Variants in ADAM8 observed in about 807,000 individuals in gnomAD.
ADAM8 encodes disintegrin and metalloproteinase domain-containing protein 8.
Under a neutral mutation model 102.4 loss-of-function variants are expected in ADAM8, and 104 were observed. That is an observed-to-expected ratio of 1.02 (90% CI 0.87 to 1.20). The LOEUF (loss-of-function observed/expected upper bound fraction) is 1.20, where lower values mean the gene tolerates loss of function less well. ADAM8 is among the 50% of genes most tolerant of loss of function. The probability of loss-of-function intolerance (pLI) is 0.00; values close to 1 mark genes in which losing one functional copy is unlikely to be tolerated. For synonymous variants in ADAM8, 517 were observed against 485.2 expected (o/e 1.07, Z -0.86); for missense variants, 1,132 against 1,159.0 (o/e 0.98, Z 0.34).
intron 21 of ADAM8, among the ~76,000 whole-genome samples, chr10:133,265,607 C>G (rs995420941): frequency 2.0e-5 from 3 of 151,956 alleles, no homozygotes; most frequent in African/African-American, 7.3e-5. Flanking sequence ...TTGGCTAACA[C>G]AGTGAAACCC....
At chr10:133,270,178 A>G (rs529701380) in intron 16 of ADAM8, among the ~76,000 whole-genome samples, 182 bp downstream of exon 16, 55 of 152,314 alleles carry the variant, frequency 3.6e-4, no homozygotes, top group African/African-American at 1.2e-3. Flanking sequence ...CGGCCATCAG[A>G]TGAACTGAGA....
At chr10:133,269,048 G>T (rs1846428242) in intron 18 of ADAM8, 186 bp from the exon 19 acceptor site, 1 of 985,468 alleles carries the variant, frequency 1.0e-6, no homozygotes, top group African/African-American at 1.7e-5. Flanking sequence ...GCTTGGCAGG[G>T]TGGCCCTGGG....
chr10:133,270,150 G>A (rs1001818127), intron 16 of ADAM8, among the ~76,000 whole-genome samples, 176 bp from the exon 17 acceptor site: 3 of 152,220 alleles, frequency 2.0e-5, no homozygotes, highest in African/African-American at 7.2e-5. Context: ...CCCTCCTGGG[G>A]CACGTGGCCG....
At chr10:133,263,899 G>T in intron 21 of ADAM8, 134 bp from the exon 22 acceptor site, 1 of 724,082 alleles carries the variant, frequency 1.4e-6, no homozygotes. Flanking sequence ...TGCAGGCTCC[G>T]CCCCCACTGA....
chr10:133,268,083 T>C lies in ADAM8; in HGVS notation c.2099A>G (p.Asn700Ser). 1 of 1,273,876 alleles carries C rather than the reference T, an allele frequency of 7.9e-7. No homozygotes were observed. Among genetic ancestry groups the C allele is most frequent in the Non-Finnish European group, 1.0e-6 (1 of 1,002,990 alleles). The allele number at this position is 1,273,876 out of a possible 1,614,324, so 78.9% of individuals were successfully genotyped here. A position where few individuals can be genotyped will look rare whatever the true frequency, so the allele number is the denominator to read the frequency against. The change falls in exon 20 of 23, where the codon AAC becomes AGC. Residue 700 changes from asparagine (N) to serine (S), a missense_variant. By Grantham distance (46) the Asn-to-Ser change is conservative. Transcript: ENST00000445355. ...VAPKTTMGRS[N>S]PLFHQAASRV... ...GCTGGCAGCCTGGTGGAACAGGGGG[T>C]TGGAGCGCCCCATTGTGGTCTTGGG...
chr10:133,274,647 C>T (rs1432795844), intron 2 of ADAM8: 1 of 302,438 alleles, frequency 3.3e-6, no homozygotes, highest in African/African-American at 2.3e-5. Flanking sequence ...TGGGTAACGA[C>T]AATGCCCCTT....
chr10:133,272,905 C>G (rs1317005533), intron 7 of ADAM8, 39 bp from the exon 8 acceptor site: 1 of 1,611,310 alleles, frequency 6.2e-7, no homozygotes, highest in Non-Finnish European at 8.5e-7. Context: ...CCCACACACC[C>G]CCCATGCCCC....
At position 133,268,669 on chromosome 10, in the gene ADAM8, C is replaced by T. The variant is rs186238109; in HGVS notation, c.2063+79G>A. 2.5e-4 allele frequency: 362 copies of T among 1,459,758 alleles called. 2 individuals carry two copies. In the East Asian group the frequency reaches 7.6e-3, roughly 31 times the overall value. 90.4% of individuals were successfully genotyped at this position (1,459,758 alleles called of 1,614,324 possible). The stretch of plus-strand genomic sequence containing the variant: ...GTGTCCGTGCCGTCCACCATGGGCC[C>T]GTGCTGGGCACTCCTTCCTCTGGCA... On this transcript the variant is annotated intron_variant, in intron 19 of 22. Transcript: ENST00000445355.
intron 12 of ADAM8, 68 bp downstream of exon 12, chr10:133,271,460 C>T: frequency 6.7e-7 from 1 of 1,496,774 alleles, no homozygotes. Flanking sequence ...CAGTGGTCAC[C>T]CTGGCCTGAA....
rs1205665913 is a variant in ADAM8 at position 133,271,523 on chromosome 10, C to T, written c.1284+5G>A. The T allele has an allele frequency of 1.8e-5, 28 of 1,551,102 alleles. No homozygotes were observed. Among genetic ancestry groups the T allele is most frequent in the Middle Eastern group, 1.9e-4 (1 of 5,132 alleles). ...GACGGGAGCAGGTATGGGGCATGGA[C>T]GCACCTCGGGGGGGCCGCAGTCGCA... On this transcript the variant is annotated splice_donor_5th_base_variant and intron_variant, in intron 12 of 22. Transcript: ENST00000445355.
rs1846423007 is a variant in ADAM8 at position 133,268,884 on chromosome 10, A to G, written c.1949-22T>C. 1.3e-6 allele frequency: 2 copies of G among 1,599,972 alleles called. 1 individual carries two copies. The highest frequency in any genetic ancestry group is 2.2e-5 in the South Asian group (2 of 90,576). ...GACGCTGTGGGACACACGGCCCCACATCAGGCAGGCAGGCCGCGACCTCAG... is the reference window on the plus strand; with the variant it reads ...GACGCTGTGGGACACACGGCCCCACGTCAGGCAGGCAGGCCGCGACCTCAG... On this transcript the variant is annotated intron_variant, in intron 18 of 22. Transcript: ENST00000445355.
In ADAM8 at chr10:133,269,380, T is replaced by C. The variant is rs1021972756; in HGVS notation, c.1948+65A>G. 4 of 1,411,972 alleles carry C rather than the reference T, an allele frequency of 2.8e-6. No homozygotes were observed. The African/African-American group carries it at 5.8e-5, about 20-fold the overall frequency. The allele number at this position is 1,411,972 out of a possible 1,614,324, so 87.5% of individuals were successfully genotyped here. A position where few individuals can be genotyped will look rare whatever the true frequency, so the allele number is the denominator to read the frequency against. On this transcript the variant is annotated intron_variant, in intron 18 of 22. Coordinates refer to ENST00000445355, the MANE Select transcript of ADAM8 (RefSeq NM_001109.5). ...GCTTCCCGGGCCCGCGGCTTCTGCC[T>C]GGGCTCTGTTCGGGCCCTCTGAGCT...
intron 21 of ADAM8, among the ~76,000 whole-genome samples, chr10:133,264,819 C>T (rs1456637424): frequency 1.4e-5 from 2 of 148,092 alleles, no homozygotes; most frequent in South Asian, 2.2e-4. Context: ...CCCCACCTAC[C>T]TCCACGCCCG....
intron 8 of ADAM8, 25 bp from the exon 9 acceptor site, chr10:133,272,610 G>A (rs1208248144): frequency 1.3e-6 from 2 of 1,592,142 alleles, no homozygotes; most frequent in South Asian, 1.1e-5. Context: ...GAGTCCTGGG[G>A]GTCAGGCAGG....
rs1018869176 is a variant in ADAM8, at chr10:133,270,964, T to C, written c.1481A>G (p.Asn494Ser). Residue 494 changes from asparagine (N) to serine (S), a missense_variant, in exon 14 of 23, where the codon AAC becomes AGC. By Grantham distance (46) the Asn-to-Ser change is conservative. Transcript: ENST00000445355. The part of the protein sequence containing the change: ...PECPEDAFQE[N>S]GTPCSGGYCY... ...GTAGCCCCCGGAGCAGGGCGTGCCG[T>C]TCTCCTGGAAGGCGTCTTCCGGGCA... 1.9e-6 allele frequency: 3 copies of C among 1,612,834 alleles called. No homozygotes were observed. In the Admixed American group the frequency reaches 5.0e-5, roughly 27 times the overall value.
At chr10:133,269,069 G>A (rs1266804505) in intron 18 of ADAM8, 2 of 985,346 alleles carry the variant, frequency 2.0e-6, no homozygotes, top group Admixed American at 6.1e-5. Context: ...CCACAGTGCT[G>A]TGGGCACGGC....
In ADAM8 at chr10:133,272,515, T is replaced by C. The variant is rs750776012; in HGVS notation, c.776A>G (p.His259Arg). ...TGTGACACTGGGGTCGGGGCTGACG[T>C]GGAACCTGTCCTGACTATTCCAAAT... ...LEIWNSQDRF[H>R]VSPDPSVTLE... Residue 259 changes from histidine to arginine, a missense_variant, in exon 9 of 23, where the codon CAC becomes CGC. Transcript: ENST00000445355. The C allele has an allele frequency of 1.5e-4, 240 of 1,611,996 alleles. No homozygotes were observed. The highest frequency in any genetic ancestry group is 2.0e-4 in the Non-Finnish European group (237 of 1,179,844).
Position 133,273,993 on chromosome 10 carries a change from CGT to C in ADAM8, c.262_263del (p.Thr88GlyfsTer57). 2 of 1,607,912 alleles carry C rather than the reference CGT, an allele frequency of 1.2e-6. No individual in the cohort carries two copies. Among genetic ancestry groups the C allele is most frequent in the Non-Finnish European group, 1.7e-6 (2 of 1,178,746 alleles). ...CCGTCACCTCGGAGCCATTGGCAGC[CGT>C]ATAGGTCTCTGTGTAGCCGGAGCCC... ...LLGSGYTETY[T>X]AANGSEVTEQ... On this transcript the variant is annotated frameshift_variant, in exon 4 of 23. Transcript: ENST00000445355. LOFTEE classifies it high-confidence loss of function.
chr10:133,272,010 C>T, intron 10 of ADAM8, 56 bp from the exon 11 acceptor site: 3 of 1,590,796 alleles, frequency 1.9e-6, no homozygotes, highest in Non-Finnish European at 2.6e-6. Context: ...ACGCCTGCCA[C>T]CCTCACCCCA....
Sources: allele counts gnomAD v4.1 joint callset (sites outside exome capture counted in the v4.1 genomes callset), GRCh38; gene constraint gnomAD v4.1.1; transcripts MANE v1.5; gene names NCBI Gene and HGNC (gene_info 2026-07-23, HGNC 2026-07-21).